The following FGF14 variants were observed in gnomAD, a reference collection of about 807,000 sequenced individuals.
FGF14 encodes the protein fibroblast growth factor 14, also known as fibroblast growth factor homologous factor 4.
In FGF14, 5 loss-of-function variants were observed where a neutral mutation model predicts 25.5. The observed-to-expected ratio is 0.20, with a 90% CI of 0.10 to 0.41. FGF14 has a LOEUF of 0.41. Ranked by LOEUF, FGF14 falls within the 10% of genes least tolerant of loss-of-function variation. The pLI is 1.00. For synonymous variants in FGF14, 138 were observed against 118.3 expected, an observed-to-expected ratio of 1.17 and a Z score of -1.08; for missense variants, 222 against 320.1, an observed-to-expected ratio of 0.69 and a Z score of 2.34.
At chr13:102,096,010 T>TATAC (rs2044381074) in intron 1 of FGF14, among the ~76,000 whole-genome samples, 2 of 149,680 alleles carry the variant, frequency 1.3e-5, no homozygotes, top group Non-Finnish European at 3.0e-5. Flanking sequence ...TGTATATATA[T>TATAC]ATATATAATA....
intron 1 of FGF14, among the ~76,000 whole-genome samples, chr13:102,103,152 G>C (rs115295397): frequency 2.0e-3 from 299 of 152,268 alleles, no homozygotes; most frequent in African/African-American, 7.0e-3. Context: ...ATAAGTAAAG[G>C]TTCCTGATTA....
At chr13:102,111,327 G>T (rs1325431177) in intron 1 of FGF14, among the ~76,000 whole-genome samples, 1 of 152,224 alleles carries the variant, frequency 6.6e-6, no homozygotes, top group African/African-American at 2.4e-5. Flanking sequence ...ACTTAGCCTA[G>T]TGCTTTGGGC....
intron 3 of FGF14, among the ~76,000 whole-genome samples, chr13:101,815,118 T>G (rs2140205191): frequency 6.6e-6 from 1 of 152,298 alleles, no homozygotes; most frequent in Non-Finnish European, 1.5e-5. Context: ...AGAGGAAGAA[T>G]GACGTTCCTA....
intron 1 of FGF14, among the ~76,000 whole-genome samples, chr13:101,933,647 C>G (rs1020283484): frequency 6.6e-6 from 1 of 152,164 alleles, no homozygotes; most frequent in Non-Finnish European, 1.5e-5. Context: ...TCACTTAAAT[C>G]TGGGAGGCAG....
intron 1 of FGF14, among the ~76,000 whole-genome samples, chr13:102,200,508 T>G (rs939302601): frequency 6.6e-6 from 1 of 152,060 alleles, no homozygotes; most frequent in African/African-American, 2.4e-5. Context: ...TCCCAAGACC[T>G]CTAGGGAGAA....
intron 1 of FGF14, among the ~76,000 whole-genome samples, chr13:101,939,292 C>T (rs2035294303): frequency 6.6e-6 from 1 of 152,270 alleles, no homozygotes; most frequent in African/African-American, 2.4e-5. Flanking sequence ...GGCAGAATTT[C>T]TTCAGCTCTC....
intron 1 of FGF14, among the ~76,000 whole-genome samples, chr13:101,901,138 C>G (rs569847314): frequency 6.6e-6 from 1 of 151,906 alleles, no homozygotes; most frequent in African/African-American, 2.4e-5. Flanking sequence ...GTTAGGTTGT[C>G]TCCTGGATTT....
In FGF14 at chr13:101,867,930, ACACACGCG is replaced by A. The variant is rs759639522; in HGVS notation, c.408+787_408+794del. ...CACACACACACACACACACACACAC[ACACACGCG>A]CACACACACAATATGTGTATATTTA... On this transcript the variant is annotated intron_variant, in intron 3 of 4. Transcript: ENST00000376143. 1.5e-4 allele frequency among the ~76,000 whole-genome samples: 20 copies of A among 130,212 alleles called. 1 individual carries two copies. In the South Asian group the frequency reaches 4.9e-3, roughly 32 times the overall value. 85.4% of individuals were successfully genotyped at this position (130,212 alleles called of 152,430 possible). A position where few individuals can be genotyped will look rare whatever the true frequency, so the allele number is the denominator to read the frequency against.
intron 1 of FGF14, among the ~76,000 whole-genome samples, chr13:101,945,413 C>T (rs975310679): frequency 6.6e-6 from 1 of 152,214 alleles, no homozygotes; most frequent in Non-Finnish European, 1.5e-5. Flanking sequence ...AATCCAAACA[C>T]GTAAGTCTTC....
chr13:102,067,957 T>C (rs2042973724), intron 1 of FGF14, among the ~76,000 whole-genome samples: 1 of 152,134 alleles, frequency 6.6e-6, no homozygotes, highest in African/African-American at 2.4e-5. Flanking sequence ...CCAATACGTC[T>C]GGCAGCAGAC....
At chr13:101,780,131 G>A (rs191777514) in intron 3 of FGF14, among the ~76,000 whole-genome samples, 1 of 151,870 alleles carries the variant, frequency 6.6e-6, no homozygotes, top group East Asian at 1.9e-4. Context: ...CACTGGTGGT[G>A]GTACAATATT....
At chr13:101,724,374 T>C (rs1326511169) in intron 4 of FGF14, among the ~76,000 whole-genome samples, 1 of 148,112 alleles carries the variant, frequency 6.8e-6, no homozygotes, top group African/African-American at 2.5e-5. Context: ...TTCTCACTCA[T>C]AGGTGGGAAC....
chr13:102,311,222 G>A (rs1240727734), intron 1 of FGF14, among the ~76,000 whole-genome samples: 1 of 152,128 alleles, frequency 6.6e-6, no homozygotes, highest in East Asian at 1.9e-4. Context: ...GGAGAACAAG[G>A]ATGTTCTTTT....
intron 1 of FGF14, among the ~76,000 whole-genome samples, chr13:102,102,886 G>A (rs199626779): frequency 3.9e-5 from 6 of 152,042 alleles, no homozygotes; most frequent in Non-Finnish European, 2.9e-5. Flanking sequence ...CTTTCTCCCC[G>A]CAGTATACTC....
chr13:102,398,013 A>AGAGTGT (rs371108512), intron 1 of FGF14, among the ~76,000 whole-genome samples: 1 of 147,152 alleles, frequency 6.8e-6, no homozygotes. Flanking sequence ...GACATTTAAG[A>AGAGTGT]GTGTGTGTGT....
intron 1 of FGF14, among the ~76,000 whole-genome samples, chr13:102,241,215 A>G (rs1324475003): frequency 6.6e-6 from 1 of 152,148 alleles, no homozygotes; most frequent in Non-Finnish European, 1.5e-5. Flanking sequence ...ACTCTGTCGC[A>G]ATAGCAATCC....
intron 1 of FGF14, among the ~76,000 whole-genome samples, chr13:102,357,719 T>C (rs750511067): frequency 9.9e-5 from 15 of 152,220 alleles, no homozygotes; most frequent in Non-Finnish European, 2.1e-4. Flanking sequence ...TGGACAATCA[T>C]GTGTTCAATA....
chr13:102,353,747 C>G (rs1022777860), intron 1 of FGF14, among the ~76,000 whole-genome samples: 1 of 152,152 alleles, frequency 6.6e-6, no homozygotes, highest in Non-Finnish European at 1.5e-5. Context: ...CCTACACTCT[C>G]GACCCCTCAA....
intron 1 of FGF14, among the ~76,000 whole-genome samples, chr13:101,936,381 T>C (rs1348456013): frequency 6.6e-6 from 1 of 152,170 alleles, no homozygotes; most frequent in African/African-American, 2.4e-5. Context: ...AGTCCATACC[T>C]TAGGCCACGT....
Sources: gnomAD v4.1 joint callset for allele counts (sites outside exome capture counted in the v4.1 genomes callset) on GRCh38, gnomAD v4.1.1 for gene constraint, MANE v1.5 for transcripts, NCBI Gene and HGNC (gene_info 2026-07-23, HGNC 2026-07-21) for gene names.